Variants in SYT1 observed in about 807,000 individuals in gnomAD.
The protein encoded by SYT1 is synaptotagmin-1.
SYT1 carries 8 observed loss-of-function variants against 44.8 expected under a neutral mutation model. The observed-to-expected ratio is 0.18, with a 90% confidence interval of 0.10 to 0.32. SYT1 has a LOEUF of 0.32. Among genes scored for constraint, SYT1 ranks in the 10% least tolerant of loss-of-function variants. The pLI is 1.00. For synonymous variants in SYT1, 154 were observed against 188.8 expected, an observed-to-expected ratio of 0.82 and a Z score of 1.51; for missense variants, 286 against 509.3, an observed-to-expected ratio of 0.56 and a Z score of 4.22.
At chr12:79,372,463 A>G (rs1259668196) in intron 9 of SYT1, among the ~76,000 whole-genome samples, 3 of 152,204 alleles carry the variant, frequency 2.0e-5, no homozygotes, top group African/African-American at 4.8e-5. Context: ...TGTGATTCCT[A>G]TGATGGACAC....
At chr12:79,283,168 T>A (rs1879136993) in intron 4 of SYT1, among the ~76,000 whole-genome samples, 1 of 152,118 alleles carries the variant, frequency 6.6e-6, no homozygotes. Flanking sequence ...ACGTTAAGCA[T>A]TTTTTATTTT....
At chr12:79,385,545 A>G (rs1413056051) in intron 9 of SYT1, among the ~76,000 whole-genome samples, 1 of 152,128 alleles carries the variant, frequency 6.6e-6, no homozygotes. Context: ...TAAAATTATG[A>G]TACCAAACTT....
chr12:79,270,997 G>A (rs1308089584), intron 4 of SYT1, among the ~76,000 whole-genome samples: 5 of 152,190 alleles, frequency 3.3e-5, no homozygotes, highest in Non-Finnish European at 5.9e-5. Context: ...AATTAGAAAA[G>A]GGGCTCCTCC....
chr12:79,176,638 T>C (rs1174958899), intron 3 of SYT1, among the ~76,000 whole-genome samples: 2 of 152,088 alleles, frequency 1.3e-5, no homozygotes, highest in Non-Finnish European at 2.9e-5. Context: ...TTTTTTTAAC[T>C]TTACATTTGA....
chr12:79,048,513 G>A (rs1874239565), intron 3 of SYT1, among the ~76,000 whole-genome samples: 1 of 151,856 alleles, frequency 6.6e-6, no homozygotes, highest in Non-Finnish European at 1.5e-5. Flanking sequence ...CTGCCTGTCT[G>A]AAGGTTATGT....
At chr12:79,049,394 G>T (rs986042409) in intron 3 of SYT1, among the ~76,000 whole-genome samples, 1 of 151,710 alleles carries the variant, frequency 6.6e-6, no homozygotes, top group Non-Finnish European at 1.5e-5. Flanking sequence ...TTTGGAGCAG[G>T]TTTTAATCTC....
chr12:78,950,728 A>C (rs566778051), intron 1 of SYT1, among the ~76,000 whole-genome samples: 1 of 152,118 alleles, frequency 6.6e-6, no homozygotes. Flanking sequence ...TGATTAGATC[A>C]TGCTTTTTTA....
chr12:79,007,480 G>T (rs1421182953), intron 2 of SYT1, among the ~76,000 whole-genome samples: 1 of 152,048 alleles, frequency 6.6e-6, no homozygotes, highest in African/African-American at 2.4e-5. Context: ...TTATTGCCTG[G>T]ATCAGTCCTG....
At chr12:79,227,768 C>A (rs144075893) in intron 4 of SYT1, among the ~76,000 whole-genome samples, 40 of 152,198 alleles carry the variant, frequency 2.6e-4, no homozygotes, top group Non-Finnish European at 4.3e-4. Context: ...GTAAAGGTGT[C>A]AATGCATGTG....
intron 9 of SYT1, among the ~76,000 whole-genome samples, chr12:79,360,813 T>C (rs983554142): frequency 1.3e-5 from 2 of 152,100 alleles, no homozygotes; most frequent in Non-Finnish European, 2.9e-5. Flanking sequence ...AACAGATTGG[T>C]CTAAAAAACA....
intron 4 of SYT1, among the ~76,000 whole-genome samples, chr12:79,234,791 A>C (rs1592881147): frequency 6.8e-6 from 1 of 147,598 alleles, no homozygotes; most frequent in African/African-American, 2.5e-5. Context: ...GCTCACTGCA[A>C]CCTCCGCCTT....
At chr12:79,193,712 GAACCCCATCTCTAAGATC>G (rs954789587) in intron 3 of SYT1, among the ~76,000 whole-genome samples, 2 of 150,024 alleles carry the variant, frequency 1.3e-5, no homozygotes, top group Non-Finnish European at 2.9e-5. Context: ...TGGGTAGTGA[GAACCCCATCTCTAAGATC>G]CATCAAGTCA....
At chr12:78,989,138 G>A (rs957057683) in intron 2 of SYT1, among the ~76,000 whole-genome samples, 2 of 152,058 alleles carry the variant, frequency 1.3e-5, no homozygotes, top group African/African-American at 4.8e-5. Flanking sequence ...AACAGAAACG[G>A]GTAGGGGAGG....
intron 9 of SYT1, among the ~76,000 whole-genome samples, chr12:79,415,853 A>C (rs1253337606): frequency 1.3e-5 from 2 of 152,220 alleles, no homozygotes; most frequent in African/African-American, 4.8e-5. Flanking sequence ...CCTTGTAGAA[A>C]GAAAGTGCTG....
intron 1 of SYT1, among the ~76,000 whole-genome samples, chr12:78,884,137 C>A (rs1874608219): frequency 6.6e-6 from 1 of 151,566 alleles, no homozygotes; most frequent in African/African-American, 2.4e-5. Flanking sequence ...ATATTTAAAG[C>A]CCCTAACAGA....
intron 8 of SYT1, among the ~76,000 whole-genome samples, chr12:79,303,766 C>T (rs967590229): frequency 5.3e-5 from 8 of 152,136 alleles, no homozygotes; most frequent in African/African-American, 1.9e-4. Flanking sequence ...CAAATGGCAA[C>T]AGTTTTTTAA....
At chr12:79,229,399 C>T (rs528017940) in intron 4 of SYT1, among the ~76,000 whole-genome samples, 2 of 152,294 alleles carry the variant, frequency 1.3e-5, no homozygotes, top group East Asian at 3.9e-4. Context: ...TGCAGTATTA[C>T]ATAGATACTT....
At chr12:79,123,862 T>G (rs1288098723) in intron 3 of SYT1, among the ~76,000 whole-genome samples, 1 of 152,154 alleles carries the variant, frequency 6.6e-6, no homozygotes, top group African/African-American at 2.4e-5. Flanking sequence ...AAAAAAAAAG[T>G]CTTAAAGAGC....
At chr12:79,380,118 C>G (rs1314371253) in intron 9 of SYT1, among the ~76,000 whole-genome samples, 1 of 152,154 alleles carries the variant, frequency 6.6e-6, no homozygotes, top group Non-Finnish European at 1.5e-5. Flanking sequence ...TGAAGATTAA[C>G]CAGAGATTTT....
Sources: gnomAD v4.1 joint callset for allele counts (sites outside exome capture counted in the v4.1 genomes callset) on GRCh38, gnomAD v4.1.1 for gene constraint, MANE v1.5 for transcripts, NCBI Gene and HGNC (gene_info 2026-07-23, HGNC 2026-07-21) for gene names.